SYT14: variants seen among roughly 807,000 people sequenced by gnomAD.
The protein encoded by SYT14 is synaptotagmin 14.
SYT14 carries 32 observed loss-of-function variants against 74.2 expected under a neutral mutation model. The observed-to-expected ratio is 0.43, with a 90% CI of 0.33 to 0.58. SYT14 has a LOEUF of 0.58. SYT14 is among the 20% of genes least tolerant of loss of function. SYT14 has a pLI of 0.05. For synonymous variants in SYT14, 298 were observed against 337.7 expected (o/e 0.88, Z 1.29); for missense variants, 791 against 981.8 (o/e 0.81, Z 2.60).
intron 5 of SYT14, among the ~76,000 whole-genome samples, chr1:210,065,285 G>A (rs1276953230): frequency 6.6e-6 from 1 of 152,062 alleles, no homozygotes; most frequent in Non-Finnish European, 1.5e-5. Context: ...AACCCAGTGG[G>A]AGGTAATTTA....
At chr1:209,938,565 C>G (rs1558079686) in intron 1 of SYT14, among the ~76,000 whole-genome samples, 1 of 152,004 alleles carries the variant, frequency 6.6e-6, no homozygotes, top group African/African-American at 2.4e-5. Flanking sequence ...AGCGTCCGGG[C>G]CGCCGCCTCC....
chr1:209,973,186 G>A (rs1483877690), intron 2 of SYT14, among the ~76,000 whole-genome samples: 1 of 150,160 alleles, frequency 6.7e-6, no homozygotes, highest in Non-Finnish European at 1.5e-5. Flanking sequence ...TTTTCTGTTT[G>A]TGTGATAGAT....
chr1:210,041,268 A>G (rs986624510), intron 5 of SYT14, among the ~76,000 whole-genome samples: 1 of 152,118 alleles, frequency 6.6e-6, no homozygotes, highest in African/African-American at 2.4e-5. Context: ...CTTTAGGTCA[A>G]CCCTCTTGAG....
chr1:209,990,498 A>G (rs2079644863), intron 2 of SYT14, among the ~76,000 whole-genome samples: 1 of 35,404 alleles, frequency 2.8e-5, no homozygotes, highest in Non-Finnish European at 1.3e-4. Context: ...CCTAAATTCC[A>G]TTTTTAAGGA....
chr1:210,097,853 C>T (rs2081993130), intron 6 of SYT14, among the ~76,000 whole-genome samples: 1 of 151,988 alleles, frequency 6.6e-6, no homozygotes, highest in African/African-American at 2.4e-5. Flanking sequence ...TTCCTGCATA[C>T]ATTATACCAA....
chr1:209,959,419 C>T (rs1017974332), intron 2 of SYT14, among the ~76,000 whole-genome samples: 2 of 151,928 alleles, frequency 1.3e-5, no homozygotes, highest in Non-Finnish European at 2.9e-5. Context: ...GTTGAGATTA[C>T]AGGCGTGAGC....
At chr1:210,097,947 C>A (rs1000818684) in intron 6 of SYT14, among the ~76,000 whole-genome samples, 17 of 152,046 alleles carry the variant, frequency 1.1e-4, no homozygotes, top group Non-Finnish European at 2.5e-4. Flanking sequence ...GAAGCCAAGG[C>A]AGGAGGGTTC....
At chr1:210,084,430 G>A (rs191976483) in intron 5 of SYT14, among the ~76,000 whole-genome samples, 2 of 152,248 alleles carry the variant, frequency 1.3e-5, no homozygotes, top group East Asian at 3.9e-4. Context: ...ATTTTTGTAG[G>A]ATTTAGTTCT....
chr1:210,059,451 T>TATATATATATATATAGAGAGAGAGAG (rs377050610), intron 5 of SYT14, among the ~76,000 whole-genome samples: 3 of 69,896 alleles, frequency 4.3e-5, no homozygotes, highest in African/African-American at 2.4e-4. Flanking sequence ...TATATATATA[T>TATATATATATATATAGAGAGAGAGAG]AGAGAGAGAG....
Position 209,978,601 on chromosome 1 carries a change from G to A in SYT14, c.-486+25845G>A, listed in dbSNP as rs2079416182. On this transcript the variant is annotated intron_variant, in intron 2 of 9. Transcript: ENST00000637265. Reference sequence around the variant, plus strand: ...AGAGGAGTACCTGGCCGTGTGAGGTGTCAGTCTGCCCCTACTGGGGGGTGC... The same window carrying A: ...AGAGGAGTACCTGGCCGTGTGAGGTATCAGTCTGCCCCTACTGGGGGGTGC... Among the ~76,000 whole-genome samples, 3 of 152,174 alleles carry A rather than the reference G, an allele frequency of 2.0e-5. No individual in the cohort carries two copies. The South Asian group carries it at 6.2e-4, about 31-fold the overall frequency.
intron 5 of SYT14, among the ~76,000 whole-genome samples, chr1:210,038,963 T>C (rs1386596229): frequency 1.3e-5 from 2 of 152,240 alleles, no homozygotes; most frequent in East Asian, 3.9e-4. Context: ...CTAGCAAGAC[T>C]AGTGAAGTTT....
At chr1:210,017,154 A>T in intron 4 of SYT14, 1 of 1,164,860 alleles carries the variant, frequency 8.6e-7, no homozygotes, top group Non-Finnish European at 1.1e-6. Flanking sequence ...ATTTTTTTTA[A>T]ATTAGTAAAA....
intron 5 of SYT14, among the ~76,000 whole-genome samples, chr1:210,048,050 T>G (rs1482616220): frequency 1.3e-5 from 2 of 152,234 alleles, no homozygotes; most frequent in African/African-American, 4.8e-5. Context: ...AAATAATTTC[T>G]GGATTGATAC....
chr1:210,040,227 A>G (rs1409375061), intron 5 of SYT14, among the ~76,000 whole-genome samples: 1 of 152,180 alleles, frequency 6.6e-6, no homozygotes, highest in Non-Finnish European at 1.5e-5. Context: ...AGGGACATGG[A>G]TGAAGCTGGA....
chr1:210,150,913 A>C (rs1272269904), intron 7 of SYT14, among the ~76,000 whole-genome samples: 1 of 152,198 alleles, frequency 6.6e-6, no homozygotes, highest in South Asian at 2.1e-4. Context: ...CTATGTATGT[A>C]CAAGCTTCCA....
At chr1:210,081,473 G>C (rs919868997) in intron 5 of SYT14, among the ~76,000 whole-genome samples, 11 of 152,012 alleles carry the variant, frequency 7.2e-5, no homozygotes, top group African/African-American at 2.7e-4. Context: ...ATACAATACT[G>C]TAGTATATTA....
exon 4 of SYT14, chr1:210,016,668 G>T (rs1200650291): frequency 8.1e-7 from 1 of 1,231,720 alleles, no homozygotes; most frequent in African/African-American, 1.6e-5. Context: ...ACAGATAATT[G>T]TAAAAAGGAG....
intron 5 of SYT14, among the ~76,000 whole-genome samples, chr1:210,075,347 T>G (rs957882515): frequency 3.3e-5 from 5 of 149,626 alleles, no homozygotes; most frequent in East Asian, 1.9e-4. Flanking sequence ...GGTTTGTTTT[T>G]TTTTTTTTTT....
intron 2 of SYT14, among the ~76,000 whole-genome samples, chr1:209,997,904 A>C (rs1410317425): frequency 6.6e-6 from 1 of 152,292 alleles, no homozygotes; most frequent in African/African-American, 2.4e-5. Flanking sequence ...TAAGAATTCA[A>C]CATTCTTCTT....
Sources: gnomAD v4.1 joint callset for allele counts (sites outside exome capture counted in the v4.1 genomes callset) on GRCh38, gnomAD v4.1.1 for gene constraint, MANE v1.5 for transcripts, NCBI Gene and HGNC (gene_info 2026-07-23, HGNC 2026-07-21) for gene names.